Variants in RNF130 observed in about 807,000 individuals in gnomAD.
The protein encoded by RNF130 is ring finger protein 130.
In RNF130, 21 loss-of-function variants were observed where a neutral mutation model predicts 44.6. That is an observed-to-expected ratio of 0.47 (90% CI 0.33 to 0.68). The LOEUF is 0.68. Among genes scored for constraint, RNF130 ranks in the 30% least tolerant of loss-of-function variants. The pLI is 0.02. For missense variants in RNF130, 479 were observed against 560.6 expected (o/e 0.85, Z 1.47); for synonymous variants, 214 against 210.4 (o/e 1.02, Z -0.15).
chr5:179,951,091 G>A (rs550459696), downstream of RNF130, among the ~76,000 whole-genome samples: 2 of 152,314 alleles, frequency 1.3e-5, no homozygotes, highest in Admixed American at 1.3e-4. Flanking sequence ...TTGGTTCAGA[G>A]GAGGGCCACT....
chr5:180,045,579 T>C (rs1764545294), intron 1 of RNF130, among the ~76,000 whole-genome samples: 1 of 152,190 alleles, frequency 6.6e-6, no homozygotes, highest in African/African-American at 2.4e-5. Flanking sequence ...TTCCCTTATC[T>C]GACCCCACCC....
intron 4 of RNF130, among the ~76,000 whole-genome samples, chr5:179,978,654 G>A (rs1347707716): frequency 6.6e-6 from 1 of 152,158 alleles, no homozygotes; most frequent in Non-Finnish European, 1.5e-5. Flanking sequence ...GTTTGACACA[G>A]CCTGGAAGCT....
At chr5:180,057,392 T>C (rs946028962) in intron 1 of RNF130, among the ~76,000 whole-genome samples, 1 of 152,092 alleles carries the variant, frequency 6.6e-6, no homozygotes, top group Non-Finnish European at 1.5e-5. Context: ...CTACTAAAAA[T>C]ACAAAAACTA....
At chr5:180,046,800 C>G (rs968546302) in intron 1 of RNF130, among the ~76,000 whole-genome samples, 2 of 152,178 alleles carry the variant, frequency 1.3e-5, no homozygotes, top group African/African-American at 4.8e-5. Flanking sequence ...CCATGGCACC[C>G]TTAGGTTACA....
rs1762376635 is a variant in RNF130 at position 179,963,480 on chromosome 5, T to C, written c.1235A>G (p.Asn412Ser). ...YMIIRATASL[N>S]ANEVEWF Reference sequence around the variant, plus strand: ...ACAATTTGTTACTTACTCATTAGCATTCAAGCTAGCTGTGGCTCTGATGAT... The same window carrying C: ...ACAATTTGTTACTTACTCATTAGCACTCAAGCTAGCTGTGGCTCTGATGAT... Residue 412 changes from asparagine (N) to serine (S), a missense_variant, in exon 8 of 9, where the codon AAT becomes AGT. Physicochemically the swap from Asn to Ser is conservative, Grantham distance 46 (BLOSUM62 1). Transcript: ENST00000521389. 1 of 1,613,616 alleles carries C rather than the reference T, an allele frequency of 6.2e-7. No individual in the cohort carries two copies. Among genetic ancestry groups the C allele is most frequent in the African/African-American group, 1.3e-5 (1 of 75,040 alleles).
At chr5:180,002,527 T>C (rs559470696) in intron 3 of RNF130, among the ~76,000 whole-genome samples, 2 of 152,306 alleles carry the variant, frequency 1.3e-5, no homozygotes, top group African/African-American at 4.8e-5. Flanking sequence ...GCTCCTTCTC[T>C]GTGGGGTGCA....
chr5:180,038,390 GAAA>G (rs376909280), intron 2 of RNF130, among the ~76,000 whole-genome samples: 2 of 128,454 alleles, frequency 1.6e-5, no homozygotes, highest in Non-Finnish European at 3.3e-5. Context: ...CGGGGAGGGG[GAAA>G]AAAAAAAAGC....
chr5:180,018,013 AG>A (rs1763778145), intron 2 of RNF130, among the ~76,000 whole-genome samples: 2 of 152,324 alleles, frequency 1.3e-5, no homozygotes, highest in South Asian at 4.1e-4. Context: ...GAAGAGGTTC[AG>A]GCTGGGCGTG....
chr5:179,956,751 C>T (rs1299750209), intron 8 of RNF130, among the ~76,000 whole-genome samples: 1 of 152,218 alleles, frequency 6.6e-6, no homozygotes, highest in East Asian at 1.9e-4. Flanking sequence ...CCCAGAAGGG[C>T]CTTTGCGTAC....
chr5:179,959,740 C>T (rs1002206573), intron 8 of RNF130, among the ~76,000 whole-genome samples: 7 of 152,124 alleles, frequency 4.6e-5, no homozygotes, highest in African/African-American at 1.7e-4. Context: ...TCTACTACTA[C>T]ACTAAGAGGA....
At chr5:180,026,219 AC>A (rs1763980900) in intron 2 of RNF130, among the ~76,000 whole-genome samples, 1 of 152,178 alleles carries the variant, frequency 6.6e-6, no homozygotes, top group Admixed American at 6.5e-5. Flanking sequence ...TATCTAAATT[AC>A]CTCATCTTCC....
chr5:180,015,114 C>A (rs1403202372), intron 2 of RNF130, among the ~76,000 whole-genome samples: 1 of 152,062 alleles, frequency 6.6e-6, no homozygotes, highest in African/African-American at 2.4e-5. Context: ...ACCAGAATAC[C>A]GATTAAAAAT....
At chr5:179,962,464 GT>G (rs1185255434) in intron 8 of RNF130, among the ~76,000 whole-genome samples, 6 of 152,116 alleles carry the variant, frequency 3.9e-5, no homozygotes, top group African/African-American at 1.4e-4. Flanking sequence ...GTATCAGGAC[GT>G]AATTGAATAT....
At chr5:179,934,022 C>T (rs931450222) in intron 7 of RNF130, 6 of 320,462 alleles carry the variant, frequency 1.9e-5, no homozygotes, top group East Asian at 1.7e-4. Flanking sequence ...CAACAGTGTT[C>T]CCAGCTCTGT....
intron 1 of RNF130, among the ~76,000 whole-genome samples, chr5:180,069,960 G>A (rs1305461046): frequency 6.6e-6 from 1 of 152,200 alleles, no homozygotes; most frequent in African/African-American, 2.4e-5. Context: ...GTGGAGGAAG[G>A]ATCTGAAGTT....
intron 3 of RNF130, among the ~76,000 whole-genome samples, chr5:179,988,105 T>G (rs1361262537): frequency 6.6e-6 from 1 of 152,260 alleles, no homozygotes; most frequent in East Asian, 1.9e-4. Context: ...TGAGTTTTTG[T>G]TGAGGGATCA....
chr5:179,994,998 G>C (rs1019194762), intron 3 of RNF130, among the ~76,000 whole-genome samples: 2 of 152,148 alleles, frequency 1.3e-5, no homozygotes, highest in Admixed American at 6.5e-5. Flanking sequence ...GTGAAGCTGG[G>C]TAGAGCTGGA....
At chr5:180,008,715 T>C (rs1218357352) in intron 3 of RNF130, among the ~76,000 whole-genome samples, 2 of 151,900 alleles carry the variant, frequency 1.3e-5, no homozygotes, top group Admixed American at 1.3e-4. Flanking sequence ...TGAAACCTCA[T>C]CTCTACCAAA....
At chr5:180,008,580 C>T (rs1464373706) in intron 3 of RNF130, among the ~76,000 whole-genome samples, 2 of 152,034 alleles carry the variant, frequency 1.3e-5, no homozygotes, top group African/African-American at 4.8e-5. Flanking sequence ...AAATCAGTAA[C>T]ACTAAGATAA....
Sources: allele counts gnomAD v4.1 joint callset (sites outside exome capture counted in the v4.1 genomes callset), GRCh38; gene constraint gnomAD v4.1.1; transcripts MANE v1.5; gene names NCBI Gene and HGNC (gene_info 2026-07-23, HGNC 2026-07-21).